Variants in ZNF782 observed in about 807,000 individuals in gnomAD.
The protein encoded by ZNF782 is zinc finger protein 782.
In ZNF782, 12 loss-of-function variants were observed where a neutral mutation model predicts 13.0. The observed-to-expected ratio is 0.92, with a 90% CI of 0.59 to 1.50. The LOEUF (loss-of-function observed/expected upper bound fraction) is 1.50, where lower values mean the gene tolerates loss of function less well. Ranked by LOEUF, ZNF782 falls within the 40% of genes most tolerant of loss-of-function variation. The probability of loss-of-function intolerance (pLI) is 0.00; values close to 1 mark genes in which losing one functional copy is unlikely to be tolerated. For missense variants in ZNF782, 770 were observed against 822.9 expected, an observed-to-expected ratio of 0.94 and a Z score of 0.79; for synonymous variants, 284 against 283.0, an observed-to-expected ratio of 1.00 and a Z score of -0.04.
chr9:96,836,640 T>C (rs775335196), intron 4 of ZNF782, among the ~76,000 whole-genome samples: 1 of 152,136 alleles, frequency 6.6e-6, no homozygotes, highest in Non-Finnish European at 1.5e-5. Context: ...TTTGGGGAGC[T>C]AGGGGCAGAA....
the ZNF782 span, among the ~76,000 whole-genome samples, chr9:96,882,348 T>C: frequency 2.6e-5 from 4 of 152,166 alleles, no homozygotes; most frequent in Non-Finnish European, 4.4e-5. Flanking sequence ...TTAGCAGCCA[T>C]TGGCCAGTAC....
In ZNF782 at chr9:96,816,980, C is replaced by G. The variant is rs1422318042; in HGVS notation, c.*943G>C. The G allele has an allele frequency of 6.6e-6, 1 of 152,044 alleles. No individual in the cohort carries two copies. The highest frequency in any genetic ancestry group is 2.4e-5 in the African/African-American group (1 of 41,384). The allele number at this position is 152,044 out of a possible 1,614,324, so 9.4% of individuals were successfully genotyped here. On this transcript the variant is annotated 3_prime_UTR_variant, in exon 6 of 6. Transcript: ENST00000481138. ...GAGTTTCTGTCAGTATCAAGTATAC[C>G]CAAACCTTTAGAAGTTCAGCAGGGA...
chr9:96,846,757 T>C (rs548641104), intron 3 of ZNF782, among the ~76,000 whole-genome samples: 4 of 152,244 alleles, frequency 2.6e-5, no homozygotes, highest in South Asian at 2.1e-4. Context: ...GAAACTTCAA[T>C]AGACCACTGA....
upstream of ZNF782, among the ~76,000 whole-genome samples, chr9:96,877,664 G>A (rs1472646873): frequency 1.3e-5 from 2 of 152,194 alleles, no homozygotes; most frequent in Non-Finnish European, 2.9e-5. Flanking sequence ...GCGGTCCGCG[G>A]TCTTGAAGCA....
chr9:96,823,593 T>A (rs1382909547), intron 5 of ZNF782, among the ~76,000 whole-genome samples: 2 of 152,198 alleles, frequency 1.3e-5, no homozygotes, highest in African/African-American at 2.4e-5. Flanking sequence ...ACAGAAGAGA[T>A]AAAGTATAGG....
At chr9:96,834,541 TCA>T (rs1226489233) in intron 4 of ZNF782, among the ~76,000 whole-genome samples, 3 of 140,318 alleles carry the variant, frequency 2.1e-5, no homozygotes, top group Non-Finnish European at 4.4e-5. Flanking sequence ...TAGAGATTCC[TCA>T]GTTTCACACT....
At chr9:96,884,604 CAT>C in the ZNF782 span, among the ~76,000 whole-genome samples, 4 of 152,150 alleles carry the variant, frequency 2.6e-5, no homozygotes, top group Admixed American at 2.0e-4. Flanking sequence ...GAGCTGGTCA[CAT>C]AGTCACACTC....
At chr9:96,871,329 G>A (rs1851824446) in intron 1 of ZNF782, among the ~76,000 whole-genome samples, 1 of 150,680 alleles carries the variant, frequency 6.6e-6, no homozygotes, top group South Asian at 2.1e-4. Context: ...GTTACCCAAT[G>A]TACAGTGCAA....
At chr9:96,821,771 A>G (rs1219632787) in intron 5 of ZNF782, among the ~76,000 whole-genome samples, 1 of 150,548 alleles carries the variant, frequency 6.6e-6, no homozygotes, top group Non-Finnish European at 1.5e-5. Context: ...TCCCGGGTTC[A>G]CACCATTCTC....
intron 1 of ZNF782, among the ~76,000 whole-genome samples, chr9:96,868,705 C>T (rs1275428240): frequency 6.6e-6 from 1 of 152,136 alleles, no homozygotes; most frequent in Non-Finnish European, 1.5e-5. Context: ...TCAAAGAGAA[C>T]TGGGAAAGTT....
At chr9:96,870,550 A>G (rs1432329696) in intron 1 of ZNF782, among the ~76,000 whole-genome samples, 1 of 152,210 alleles carries the variant, frequency 6.6e-6, no homozygotes, top group African/African-American at 2.4e-5. Context: ...TCAATGCAAC[A>G]ACACACTCTT....
At chr9:96,889,446 C>T in the ZNF782 span, 1 of 151,472 alleles carries the variant, frequency 6.6e-6, no homozygotes, top group Admixed American at 6.6e-5. Flanking sequence ...GTTGCCTAGG[C>T]TGGAGTGACA....
At chr9:96,866,159 G>T (rs1180404094) in intron 1 of ZNF782, among the ~76,000 whole-genome samples, 1 of 152,182 alleles carries the variant, frequency 6.6e-6, no homozygotes, top group East Asian at 1.9e-4. Flanking sequence ...AAGACAACAG[G>T]GAAAATGTCT....
chr9:96,857,794 T>C (rs1851662491), upstream of ZNF782, among the ~76,000 whole-genome samples: 1 of 152,264 alleles, frequency 6.6e-6, no homozygotes, highest in African/African-American at 2.4e-5. Context: ...AAAGGTTACA[T>C]TGTGCAGATG....
chr9:96,829,034 G>GA (rs1013871512), intron 4 of ZNF782, among the ~76,000 whole-genome samples: 2 of 76,094 alleles, frequency 2.6e-5, no homozygotes, highest in African/African-American at 5.2e-5. Flanking sequence ...AGTACTTAAA[G>GA]AAAAAAAATC....
At chr9:96,886,437 T>C in the ZNF782 span, among the ~76,000 whole-genome samples, 2 of 152,132 alleles carry the variant, frequency 1.3e-5, no homozygotes, top group Non-Finnish European at 2.9e-5. Context: ...TGGTGTTCAA[T>C]GTATATGGAG....
At chr9:96,901,231 TA>T in the ZNF782 span, among the ~76,000 whole-genome samples, 1 of 151,516 alleles carries the variant, frequency 6.6e-6, no homozygotes, top group South Asian at 2.1e-4. Flanking sequence ...ATTACTCTCA[TA>T]TGATGAAAAC....
the ZNF782 span, among the ~76,000 whole-genome samples, chr9:96,929,348 G>A: frequency 3.3e-5 from 5 of 152,004 alleles, no homozygotes; most frequent in African/African-American, 7.2e-5. Context: ...TGGTGGGATC[G>A]TGTTGTGCTG....
chr9:96,933,712 C>G, the ZNF782 span: 1 of 152,236 alleles, frequency 6.6e-6, no homozygotes, highest in Admixed American at 6.5e-5. Context: ...TGCCTTCCCT[C>G]GAACTGAGTG....
Sources: allele counts gnomAD v4.1 joint callset (sites outside exome capture counted in the v4.1 genomes callset), GRCh38; gene constraint gnomAD v4.1.1; transcripts MANE v1.5; gene names NCBI Gene and HGNC (gene_info 2026-07-23, HGNC 2026-07-21).